RALYL: variants seen among roughly 807,000 people sequenced by gnomAD.
RALYL encodes the protein RNA-binding Raly-like protein.
In RALYL, 29 loss-of-function variants were observed where a neutral mutation model predicts 35.1. That is an observed-to-expected ratio of 0.83 (90% CI 0.61 to 1.13). The LOEUF is 1.13. Among genes scored for constraint, RALYL ranks in the 50% most tolerant of loss-of-function variants. The pLI is 0.00. For missense variants in RALYL, 359 were observed against 360.4 expected (o/e 1.00, Z 0.03); for synonymous variants, 120 against 127.6 (o/e 0.94, Z 0.40).
chr8:84,400,181 A>G (rs2042747565), intron 1 of RALYL, among the ~76,000 whole-genome samples: 3 of 152,214 alleles, frequency 2.0e-5, no homozygotes, highest in Non-Finnish European at 2.9e-5. Flanking sequence ...ATATTTGTAT[A>G]TACACAATGA....
intron 2 of RALYL, among the ~76,000 whole-genome samples, chr8:84,540,162 AT>A (rs959164017): frequency 6.6e-6 from 1 of 151,684 alleles, no homozygotes; most frequent in African/African-American, 2.4e-5. Flanking sequence ...CTTGCAAAAA[AT>A]TGAGTTTTAT....
At chr8:84,497,642 G>GTTTT (rs71271999) in intron 1 of RALYL, among the ~76,000 whole-genome samples, 6 of 117,236 alleles carry the variant, frequency 5.1e-5, no homozygotes, top group Admixed American at 9.0e-5. Context: ...TTTTGTTTTT[G>GTTTT]TTTTTTTTTT....
At chr8:84,323,792 C>A (rs1845305412) in intron 1 of RALYL, among the ~76,000 whole-genome samples, 1 of 152,040 alleles carries the variant, frequency 6.6e-6, no homozygotes, top group South Asian at 2.1e-4. Flanking sequence ...CCTTCATGAT[C>A]AAACAAGTAT....
chr8:84,656,893 G>C (rs374330232), intron 2 of RALYL, among the ~76,000 whole-genome samples: 2 of 152,170 alleles, frequency 1.3e-5, no homozygotes, highest in South Asian at 4.1e-4. Context: ...GTGAGATTAT[G>C]ATTATTATAA....
chr8:84,597,891 C>T (rs1488196324), intron 2 of RALYL, among the ~76,000 whole-genome samples: 1 of 152,090 alleles, frequency 6.6e-6, no homozygotes. Flanking sequence ...TAATATCTGG[C>T]TCTTTACAGA....
chr8:84,718,946 C>T (rs904860251), intron 2 of RALYL, among the ~76,000 whole-genome samples: 2 of 152,150 alleles, frequency 1.3e-5, no homozygotes, highest in Admixed American at 1.3e-4. Context: ...GCACTCTTTC[C>T]ATCATTCATA....
chr8:84,792,786 G>T (rs1056094417), intron 3 of RALYL, among the ~76,000 whole-genome samples: 21 of 152,152 alleles, frequency 1.4e-4, no homozygotes, highest in Non-Finnish European at 3.1e-4. Flanking sequence ...GTTAGAGTTT[G>T]TATATGATGA....
At chr8:84,495,548 A>G (rs1041621897) in intron 1 of RALYL, among the ~76,000 whole-genome samples, 1 of 152,128 alleles carries the variant, frequency 6.6e-6, no homozygotes, top group African/African-American at 2.4e-5. Flanking sequence ...TGCAGATTTC[A>G]TAATTTTTCA....
intron 1 of RALYL, among the ~76,000 whole-genome samples, chr8:84,526,436 A>G (rs1331940930): frequency 6.6e-6 from 1 of 152,086 alleles, no homozygotes; most frequent in Non-Finnish European, 1.5e-5. Flanking sequence ...CCTAAATTTA[A>G]TTCTCCAGGT....
intron 2 of RALYL, among the ~76,000 whole-genome samples, chr8:84,657,207 T>C (rs1383794799): frequency 6.6e-6 from 1 of 152,190 alleles, no homozygotes; most frequent in African/African-American, 2.4e-5. Context: ...TAATAGGTGT[T>C]GGATTTTTCT....
intron 2 of RALYL, among the ~76,000 whole-genome samples, chr8:84,564,377 T>A (rs1422757819): frequency 6.6e-6 from 1 of 151,694 alleles, no homozygotes; most frequent in Non-Finnish European, 1.5e-5. Flanking sequence ...GAATGATTAT[T>A]ATTATTGGGA....
At chr8:84,500,899 G>A (rs942004193) in intron 1 of RALYL, among the ~76,000 whole-genome samples, 1 of 152,106 alleles carries the variant, frequency 6.6e-6, no homozygotes, top group Non-Finnish European at 1.5e-5. Context: ...GGATTAAGTA[G>A]AGAATATACA....
At chr8:84,429,635 C>T (rs1434741098) in intron 1 of RALYL, among the ~76,000 whole-genome samples, 1 of 151,894 alleles carries the variant, frequency 6.6e-6, no homozygotes, top group Non-Finnish European at 1.5e-5. Context: ...GTTAAAAGTC[C>T]TCTATCCTCC....
chr8:84,191,629 A>G (rs1219822743), intron 1 of RALYL, among the ~76,000 whole-genome samples: 5 of 152,220 alleles, frequency 3.3e-5, no homozygotes, highest in Non-Finnish European at 5.9e-5. Context: ...AGGCTGTATC[A>G]TTGTAAACAA....
intron 1 of RALYL, among the ~76,000 whole-genome samples, chr8:84,206,970 A>T (rs1818201995): frequency 6.6e-6 from 1 of 152,154 alleles, no homozygotes; most frequent in Non-Finnish European, 1.5e-5. Flanking sequence ...CCACAATGAG[A>T]TATCACCTCA....
At chr8:84,309,824 G>A (rs1308635386) in intron 1 of RALYL, among the ~76,000 whole-genome samples, 1 of 152,106 alleles carries the variant, frequency 6.6e-6, no homozygotes, top group Non-Finnish European at 1.5e-5. Flanking sequence ...GTCTCCCATT[G>A]TCACTCAGTC....
chr8:84,562,234 A>C (rs752600718), intron 2 of RALYL, among the ~76,000 whole-genome samples: 22 of 151,888 alleles, frequency 1.4e-4, no homozygotes, highest in Non-Finnish European at 1.6e-4. Flanking sequence ...TATTTATTTT[A>C]ATTGCATGTG....
chr8:84,232,539 T>A (rs942485195), intron 1 of RALYL, among the ~76,000 whole-genome samples: 2 of 152,116 alleles, frequency 1.3e-5, no homozygotes, highest in Non-Finnish European at 2.9e-5. Context: ...GTGATTATAG[T>A]TTATAACAAT....
At chr8:84,415,537 C>T (rs2044602973) in intron 1 of RALYL, among the ~76,000 whole-genome samples, 5 of 110,576 alleles carry the variant, frequency 4.5e-5, no homozygotes, top group Middle Eastern at 5.0e-3. Flanking sequence ...CGCGCCCGGC[C>T]GACACTCTTG....
Sources: allele counts gnomAD v4.1 joint callset (sites outside exome capture counted in the v4.1 genomes callset), GRCh38; gene constraint gnomAD v4.1.1; transcripts MANE v1.5; gene names NCBI Gene and HGNC (gene_info 2026-07-23, HGNC 2026-07-21).